The following ALDH1L2 variants were observed in gnomAD, a reference collection of about 807,000 sequenced individuals.
ALDH1L2 encodes the protein mitochondrial 10-formyltetrahydrofolate dehydrogenase.
In ALDH1L2, 91 loss-of-function variants were observed where a neutral mutation model predicts 111.0. The ratio of observed to expected loss-of-function variants is 0.82; its 90% confidence interval spans 0.69 to 0.98. ALDH1L2 has a LOEUF of 0.98. Among genes scored for constraint, ALDH1L2 ranks in the 50% least tolerant of loss-of-function variants. ALDH1L2 has a pLI of 0.00. For missense variants in ALDH1L2, 995 were observed against 1,126.8 expected (o/e 0.88, Z 1.67); for synonymous variants, 374 against 392.6 (o/e 0.95, Z 0.56).
rs1874211352 is a variant in ALDH1L2 at position 105,022,496 on chromosome 12, A to G, written c.*1928T>C. On this transcript the variant is annotated 3_prime_UTR_variant, in exon 23 of 23. Coordinates refer to ENST00000258494, the MANE Select transcript of ALDH1L2 (RefSeq NM_001034173.4). The stretch of plus-strand genomic sequence containing the variant: ...AAGGACAGGCATGTTTTTGTCTGCC[A>G]TTCCATCTATCATTAAAATAATTTG... 6.6e-6 allele frequency: 1 copy of G among 152,256 alleles called. No individual in the cohort carries two copies. The highest frequency in any genetic ancestry group is 1.5e-5 in the Non-Finnish European group (1 of 68,032). The allele number at this position is 152,256 out of a possible 1,614,324, so 9.4% of individuals were successfully genotyped here.
chr12:105,028,313 A>G (rs897542299), intron 21 of ALDH1L2, among the ~76,000 whole-genome samples: 18 of 152,136 alleles, frequency 1.2e-4, no homozygotes, highest in African/African-American at 3.9e-4. Context: ...GTATTTCACC[A>G]TGTTGGCCAG....
intron 2 of ALDH1L2, among the ~76,000 whole-genome samples, chr12:105,071,742 C>T (rs532851764): frequency 2.1e-5 from 3 of 141,252 alleles, no homozygotes; most frequent in South Asian, 2.3e-4. Context: ...CTGCAAGCCC[C>T]GCCTCCCGGG....
chr12:105,026,709 G>C lies in ALDH1L2; in HGVS notation c.2552C>G (p.Thr851Arg), dbSNP rs758565976. The C allele has an allele frequency of 1.2e-6, 2 of 1,614,086 alleles. No individual in the cohort carries two copies. The highest frequency in any genetic ancestry group is 1.7e-6 in the Non-Finnish European group (2 of 1,180,006). ...AACCCCTGAGGCCAAACCATACTCT[G>C]TACTATTTGCTCGCTGCAACACTCC... Reference protein sequence around the residue: ...IDGVLQRANSTEYGLASGVFT... With the variant: ...IDGVLQRANSREYGLASGVFT... Residue 851 changes from threonine to arginine, a missense_variant, in exon 22 of 23, where the codon ACA (threonine) becomes AGA (arginine). Transcript: ENST00000258494.
intron 2 of ALDH1L2, 68 bp downstream of exon 2, chr12:105,073,793 T>G: frequency 2.0e-4 from 317 of 1,594,696 alleles, no homozygotes; most frequent in Non-Finnish European, 2.5e-4. Context: ...CCTTGGACCA[T>G]GAGATGGAAG....
Position 105,039,707 on chromosome 12 carries a change from C to G in ALDH1L2, c.2045+6G>C. 6.2e-7 allele frequency: 1 copy of G among 1,612,614 alleles called. No homozygotes were observed. The highest frequency in any genetic ancestry group is 1.1e-5 in the South Asian group (1 of 90,990). ...CTGCAGTGAATCAACATTTTAAAAC[C>G]AATACCTCTTCATGATCTGTTTGCC... On this transcript the variant is annotated splice_donor_region_variant and intron_variant, in intron 17 of 22. Transcript: ENST00000258494.
chr12:105,038,104 A>G lies in ALDH1L2; in HGVS notation c.2144T>C (p.Met715Thr), dbSNP rs1875267072. ...NDCELDKAVR[M>T]GMGAVFFNKG... ...TACTTAAATTTGACCCTCTCTTACCATTCGCACAGCCTTGTCAAGTTCACA... is the reference window on the plus strand; with the variant it reads ...TACTTAAATTTGACCCTCTCTTACCGTTCGCACAGCCTTGTCAAGTTCACA... The change falls in exon 18 of 23, where the codon ATG becomes ACG. Residue 715 changes from methionine to threonine, a missense_variant and splice_region_variant. By Grantham distance (81) the Met-to-Thr change is moderately conservative. Transcript: ENST00000258494. 2 of 1,612,964 alleles carry G rather than the reference A, an allele frequency of 1.2e-6. No individual in the cohort carries two copies. Among genetic ancestry groups the G allele is most frequent in the African/African-American group, 1.3e-5 (1 of 74,848 alleles).
rs1470577794 is a variant in ALDH1L2, at chr12:105,036,416, ATATT to A, written c.2145+1683_2145+1686del. Among the ~76,000 whole-genome samples the A allele has an allele frequency of 3.0e-4, 20 of 65,830 alleles. 1 individual carries two copies. Among genetic ancestry groups the A allele is most frequent in the Non-Finnish European group, 4.0e-4 (15 of 37,288 alleles). The allele number at this position is 65,830 out of a possible 152,430, so 43.2% of individuals were successfully genotyped here. A position where few individuals can be genotyped will look rare whatever the true frequency, so the allele number is the denominator to read the frequency against. On this transcript the variant is annotated intron_variant, in intron 18 of 22. Coordinates refer to ENST00000258494, the MANE Select transcript of ALDH1L2 (RefSeq NM_001034173.4). ...GTGTATATATATTATATATATACGTATATTTATATATGTGTATATATTATATATA... is the reference window on the plus strand; with the variant it reads ...GTGTATATATATTATATATATACGTATATATATGTGTATATATTATATATA...
At chr12:105,075,585 A>G (rs1367176323) in intron 1 of ALDH1L2, among the ~76,000 whole-genome samples, 1 of 151,906 alleles carries the variant, frequency 6.6e-6, no homozygotes, top group Non-Finnish European at 1.5e-5. Flanking sequence ...AACTCTGTCC[A>G]CACCCCGCCC....
chr12:105,040,582 C>T (rs1273299601), intron 16 of ALDH1L2, 25 bp downstream of exon 16: 1 of 1,610,912 alleles, frequency 6.2e-7, no homozygotes, highest in Admixed American at 1.7e-5. Flanking sequence ...TTAGTTATAG[C>T]ACAGTCGGTC....
chr12:105,062,707 C>T (rs193288305), intron 7 of ALDH1L2, among the ~76,000 whole-genome samples, 181 bp downstream of exon 7: 1 of 152,198 alleles, frequency 6.6e-6, no homozygotes, highest in Admixed American at 6.5e-5. Context: ...CCTCTTTCCA[C>T]TTTACACAAG....
chr12:105,069,935 G>A (rs2136103801), intron 3 of ALDH1L2, among the ~76,000 whole-genome samples: 1 of 152,268 alleles, frequency 6.6e-6, no homozygotes, highest in East Asian at 1.9e-4. Flanking sequence ...GGACAGTGAA[G>A]ATGATCATTT....
chr12:105,066,241 G>A (rs1185392560), intron 5 of ALDH1L2, among the ~76,000 whole-genome samples: 1 of 152,088 alleles, frequency 6.6e-6, no homozygotes, highest in African/African-American at 2.4e-5. Flanking sequence ...GCGTTTCTGG[G>A]CATTTTTTAT....
At chr12:105,037,508 G>A (rs1352471576) in intron 18 of ALDH1L2, among the ~76,000 whole-genome samples, 2 of 152,012 alleles carry the variant, frequency 1.3e-5, no homozygotes, top group African/African-American at 2.4e-5. Flanking sequence ...GTAGGGAAAG[G>A]AGGGAGAAGC....
At chr12:105,031,306 G>C (rs1054398385) in intron 20 of ALDH1L2, among the ~76,000 whole-genome samples, 1 of 152,036 alleles carries the variant, frequency 6.6e-6, no homozygotes, top group Non-Finnish European at 1.5e-5. Flanking sequence ...ATAACTTCCT[G>C]TTCCTTCCTC....
In ALDH1L2 at chr12:105,075,372, G is replaced by A. The variant is rs955774583; in HGVS notation, c.49-1367C>T. Among the ~76,000 whole-genome samples the A allele has an allele frequency of 3.0e-4, 45 of 152,176 alleles. 1 individual carries two copies. Among genetic ancestry groups the A allele is most frequent in the Non-Finnish European group, 8.8e-5 (6 of 68,024 alleles). ...GGCTGAGGCGGGTGAATCACCTGAG[G>A]TCGGGAGTTCAAGACCAGCCTGACC... On this transcript the variant is annotated intron_variant, in intron 1 of 22. Coordinates refer to ENST00000258494, the MANE Select transcript of ALDH1L2 (RefSeq NM_001034173.4).
chr12:105,055,980 A>G (rs1876602051), intron 10 of ALDH1L2, among the ~76,000 whole-genome samples: 1 of 152,182 alleles, frequency 6.6e-6, no homozygotes, highest in Admixed American at 6.5e-5. Flanking sequence ...AAGGGAAAGG[A>G]AAAATATTTG....
chr12:105,024,309 T>C lies in ALDH1L2; in HGVS notation c.*115A>G, dbSNP rs1592758657. 1.8e-6 allele frequency: 2 copies of C among 1,131,506 alleles called. No individual in the cohort carries two copies. Among genetic ancestry groups the C allele is most frequent in the Non-Finnish European group, 1.3e-6 (1 of 753,462 alleles). The allele number at this position is 1,131,506 out of a possible 1,614,324, so 70.1% of individuals were successfully genotyped here. Reference sequence around the variant, plus strand: ...GGCCTGGCCCTCTTCATGGTCCATCTGTGTATTTTTTGGTTTGTGGCTGAC... The same window carrying C: ...GGCCTGGCCCTCTTCATGGTCCATCCGTGTATTTTTTGGTTTGTGGCTGAC... On this transcript the variant is annotated 3_prime_UTR_variant, in exon 23 of 23. Transcript: ENST00000258494.
chr12:105,041,695 C>CT (rs1292472441), intron 15 of ALDH1L2, among the ~76,000 whole-genome samples: 4 of 152,146 alleles, frequency 2.6e-5, no homozygotes, highest in African/African-American at 9.7e-5. Flanking sequence ...GCTCTCTACT[C>CT]TAAGTGTTTT....
At position 105,020,325 on chromosome 12, in the gene ALDH1L2, C is replaced by G. The variant is rs925434426; in HGVS notation, c.*4099G>C. The G allele has an allele frequency of 6.6e-6, 1 of 152,072 alleles. No homozygotes were observed. Among genetic ancestry groups the G allele is most frequent in the Non-Finnish European group, 1.5e-5 (1 of 68,030 alleles). The allele number at this position is 152,072 out of a possible 1,614,324, so 9.4% of individuals were successfully genotyped here. On this transcript the variant is annotated 3_prime_UTR_variant, in exon 23 of 23. Coordinates refer to ENST00000258494, the MANE Select transcript of ALDH1L2 (RefSeq NM_001034173.4). ...GTTTAACCAATACTTAATATGTGCCCACAGCTCACTACCTAGGCCCTGATT... is the reference window on the plus strand; with the variant it reads ...GTTTAACCAATACTTAATATGTGCCGACAGCTCACTACCTAGGCCCTGATT...
Sources: allele counts gnomAD v4.1 joint callset (sites outside exome capture counted in the v4.1 genomes callset), GRCh38; gene constraint gnomAD v4.1.1; transcripts MANE v1.5; gene names NCBI Gene and HGNC (gene_info 2026-07-23, HGNC 2026-07-21).